Variants in PHF19 observed in about 807,000 individuals in gnomAD.
The protein encoded by PHF19 is polycomb like 3.
PHF19 carries 21 observed loss-of-function variants against 79.8 expected under a neutral mutation model. That is an observed-to-expected ratio of 0.26 (90% CI 0.19 to 0.38). PHF19 has a LOEUF of 0.38. Among genes scored for constraint, PHF19 ranks in the 10% least tolerant of loss-of-function variants. The probability of loss-of-function intolerance (pLI) is 1.00; values close to 1 mark genes in which losing one functional copy is unlikely to be tolerated. For missense variants in PHF19, 445 were observed against 744.2 expected (o/e 0.60, Z 4.68); for synonymous variants, 273 against 296.3 (o/e 0.92, Z 0.81).
rs1035098596 is a variant in PHF19 at position 120,891,522 on chromosome 9, C to T, written c.42+3266G>A. 4.1e-4 allele frequency among the ~76,000 whole-genome samples: 63 copies of T among 152,208 alleles called. No homozygotes were observed. The highest frequency in any genetic ancestry group is 1.8e-3 in the Admixed American group (27 of 15,284). Reference sequence around the variant, plus strand: ...GAAGAGTGTGGGTTGAAAAGCTCCCCGGGTGGTTCAAGGTGCAGCCCAGGT... The same window carrying T: ...GAAGAGTGTGGGTTGAAAAGCTCCCTGGGTGGTTCAAGGTGCAGCCCAGGT... On this transcript the variant is annotated intron_variant, in intron 1 of 14. Transcript: ENST00000616568. The surrounding 1 kb of genome is among the most constrained non-coding windows in gnomAD (Gnocchi z 4.3).
At chr9:120,858,372 C>T in intron 14 of PHF19, 86 bp from the exon 15 acceptor site, 1 of 1,031,744 alleles carries the variant, frequency 9.7e-7, no homozygotes, top group Non-Finnish European at 1.4e-6. Context: ...CCCCTCAGTA[C>T]CAGGAAAGTG....
intron 1 of PHF19, among the ~76,000 whole-genome samples, chr9:120,885,278 G>T (rs911479303): frequency 1.3e-5 from 2 of 152,116 alleles, no homozygotes; most frequent in Non-Finnish European, 2.9e-5. Flanking sequence ...TGGGGAAACG[G>T]ATATCTAGAA....
chr9:120,883,292 A>G (rs989660857), intron 1 of PHF19, among the ~76,000 whole-genome samples: 3 of 152,188 alleles, frequency 2.0e-5, no homozygotes, highest in Admixed American at 6.5e-5. Context: ...GGAACCAAGG[A>G]TCCCTTCCCT....
chr9:120,862,652 C>T lies in PHF19; in HGVS notation c.1066G>A (p.Gly356Arg). Residue 356 changes from glycine to arginine, a missense_variant, in exon 11 of 15, where the codon GGA becomes AGA. Gly to Arg is a moderately radical substitution (Grantham distance 125). This residue lies in a region of PHF19 where 83 missense variants were observed against 85.5 expected (regional missense o/e 0.97). Transcript: ENST00000373896. This position sits in a 1 kb window ranked among gnomAD's most constrained non-coding sequence, Gnocchi z 4.6. ...GCGCTGTTCTCATTTGGCAGCAGTC[C>T]TTTGTCAGGCAGCAGCTTCCCTGGC... ...NPPGKLLPDK[G>R]LLPNENSASS... is the part of the protein sequence containing the mutation. 1 of 1,614,202 alleles carries T rather than the reference C, an allele frequency of 6.2e-7. No homozygotes were observed. Among genetic ancestry groups the T allele is most frequent in the Non-Finnish European group, 8.5e-7 (1 of 1,180,020 alleles).
chr9:120,889,068 G>C (rs1288723221), intron 1 of PHF19, among the ~76,000 whole-genome samples: 2 of 152,134 alleles, frequency 1.3e-5, no homozygotes, highest in Non-Finnish European at 2.9e-5. Flanking sequence ...TTTTAAGGTG[G>C]GGGTGGATGC....
rs564542618 is a variant in PHF19, at chr9:120,866,313, G to A, written c.711-217C>T. ...GCCCTCAATCTCCTTCCCAAATCTTGCCCTGAAGCGTGGCTGAGTTCACAG... is the reference window on the plus strand; with the variant it reads ...GCCCTCAATCTCCTTCCCAAATCTTACCCTGAAGCGTGGCTGAGTTCACAG... On this transcript the variant is annotated intron_variant, in intron 7 of 14. Coordinates refer to ENST00000373896, the MANE Select transcript of PHF19 (RefSeq NM_015651.3). This position sits in a 1 kb window ranked among gnomAD's most constrained non-coding sequence, Gnocchi z 5.2. Among the ~76,000 whole-genome samples the A allele has an allele frequency of 1.3e-5, 2 of 151,990 alleles. No individual in the cohort carries two copies. Among genetic ancestry groups the A allele is most frequent in the East Asian group, 1.9e-4 (1 of 5,180 alleles).
intron 14 of PHF19, 124 bp downstream of exon 14, chr9:120,859,966 G>T: frequency 1.5e-6 from 1 of 655,454 alleles, no homozygotes; most frequent in Non-Finnish European, 2.8e-6. Context: ...CAGAAGGCCA[G>T]GTACTCCCCG....
At position 120,860,586 on chromosome 9, in the gene PHF19, G is replaced by C. The variant is rs535593038; in HGVS notation, c.1305-401C>G. On this transcript the variant is annotated intron_variant, in intron 13 of 14. Coordinates refer to ENST00000373896, the MANE Select transcript of PHF19 (RefSeq NM_015651.3). The surrounding 1 kb of genome is among the most constrained non-coding windows in gnomAD (Gnocchi z 4.1). ...CTGATAAGCAGGGTCTGGAGTTCAGGTCTGACTCTAAAGCCCTCCTCTGTG... is the reference window on the plus strand; with the variant it reads ...CTGATAAGCAGGGTCTGGAGTTCAGCTCTGACTCTAAAGCCCTCCTCTGTG... 1.4e-4 allele frequency: 33 copies of C among 240,554 alleles called. No individual in the cohort carries two copies. In the East Asian group the frequency reaches 2.5e-3, roughly 18 times the overall value. 14.9% of individuals were successfully genotyped at this position (240,554 alleles called of 1,614,324 possible).
At chr9:120,903,101 T>A in the PHF19 span, 1 of 152,206 alleles carries the variant, frequency 6.6e-6, no homozygotes, top group African/African-American at 2.4e-5. Flanking sequence ...CCTAGACCCA[T>A]CACTCGCTAG....
intron 14 of PHF19, among the ~76,000 whole-genome samples, chr9:120,858,816 C>T (rs2045425038): frequency 8.3e-6 from 1 of 120,326 alleles, no homozygotes; most frequent in Non-Finnish European, 1.8e-5. Context: ...AGACATCACA[C>T]ACACACACAC....
In PHF19 at chr9:120,862,568, C is replaced by G; in HGVS notation, c.1130+20G>C. The stretch of plus-strand genomic sequence containing the variant: ...CCGAGTTTGGCGGCAGCCCTGGCCC[C>G]TGGGTCCCCGAGCACTGACCCAGGC... On this transcript the variant is annotated intron_variant, in intron 11 of 14. Coordinates refer to ENST00000373896, the MANE Select transcript of PHF19 (RefSeq NM_015651.3). The surrounding 1 kb of genome is among the most constrained non-coding windows in gnomAD (Gnocchi z 4.6). 6.2e-7 allele frequency: 1 copy of G among 1,609,352 alleles called. No individual in the cohort carries two copies. The highest frequency in any genetic ancestry group is 8.5e-7 in the Non-Finnish European group (1 of 1,177,344).
At chr9:120,894,910 G>T, upstream of PHF19, 1 of 694,780 alleles carries the variant, frequency 1.4e-6, no homozygotes, top group Non-Finnish European at 2.0e-6. Flanking sequence ...AGGCGTCAGA[G>T]AGTCGACTCC....
Position 120,866,825 on chromosome 9 carries a change from C to T in PHF19, c.710+45G>A. 1 of 1,067,404 alleles carries T rather than the reference C, an allele frequency of 9.4e-7. No individual in the cohort carries two copies. The highest frequency in any genetic ancestry group is 2.4e-5 in the East Asian group (1 of 42,176). 66.1% of individuals were successfully genotyped at this position (1,067,404 alleles called of 1,614,324 possible). On this transcript the variant is annotated intron_variant, in intron 7 of 14. Coordinates refer to ENST00000373896, the MANE Select transcript of PHF19 (RefSeq NM_015651.3). This position sits in a 1 kb window ranked among gnomAD's most constrained non-coding sequence, Gnocchi z 5.2. ...GAGTTGTTGCTGCCATCCCTGCCCT[C>T]TCCCCACCACGCCCAAGGCCCACTT...
chr9:120,891,948 T>G lies in PHF19; in HGVS notation c.42+2840A>C, dbSNP rs1276304867. The stretch of plus-strand genomic sequence containing the variant: ...AACAGGCTGCAAACCCCTGACGCCT[T>G]GCAGAGCCAGGTAGGAAAGTTCAAA... On this transcript the variant is annotated intron_variant, in intron 1 of 14. Transcript: ENST00000616568. The surrounding 1 kb of genome is among the most constrained non-coding windows in gnomAD (Gnocchi z 4.3). 1.3e-5 allele frequency among the ~76,000 whole-genome samples: 2 copies of G among 152,116 alleles called. No individual in the cohort carries two copies. The highest frequency in any genetic ancestry group is 2.9e-5 in the Non-Finnish European group (2 of 68,024).
upstream of PHF19, among the ~76,000 whole-genome samples, chr9:120,881,642 C>A (rs2046187062): frequency 6.6e-6 from 1 of 152,094 alleles, no homozygotes; most frequent in Non-Finnish European, 1.5e-5. Context: ...GTGGGAGGGG[C>A]AGGAAGCTAT....
intron 14 of PHF19, among the ~76,000 whole-genome samples, chr9:120,858,875 GAC>G (rs939324636): frequency 2.0e-5 from 3 of 149,470 alleles, no homozygotes; most frequent in Non-Finnish European, 4.5e-5. Context: ...TAGAGAAATG[GAC>G]ACACAGACAC....
intron 10 of PHF19, among the ~76,000 whole-genome samples, chr9:120,863,218 TAGA>T (rs2045588389): frequency 6.7e-6 from 1 of 148,470 alleles, no homozygotes; most frequent in Admixed American, 6.6e-5. Flanking sequence ...GCCCTCCCAA[TAGA>T]GGACTGTCCA....
upstream of PHF19, among the ~76,000 whole-genome samples, chr9:120,877,726 A>AC (rs2046109674): frequency 6.6e-6 from 1 of 152,248 alleles, no homozygotes; most frequent in African/African-American, 2.4e-5. Context: ...GGCGTTCGGC[A>AC]CAGAGACACA....
Position 120,857,862 on chromosome 9 carries a change from C to G in PHF19, c.*82G>C. On this transcript the variant is annotated 3_prime_UTR_variant, in exon 15 of 15. Transcript: ENST00000373896. The stretch of plus-strand genomic sequence containing the variant: ...TCTGTCCTGCTTCCTTCTCCCACCC[C>G]AGCCTGGAGAAAGCTGGGGAGCCTA... 1 of 821,690 alleles carries G rather than the reference C, an allele frequency of 1.2e-6. No homozygotes were observed. Among genetic ancestry groups the G allele is most frequent in the Non-Finnish European group, 1.9e-6 (1 of 531,132 alleles). 50.9% of individuals were successfully genotyped at this position (821,690 alleles called of 1,614,324 possible). A position where few individuals can be genotyped will look rare whatever the true frequency, so the allele number is the denominator to read the frequency against.
Sources: gnomAD v4.1 joint callset for allele counts (sites outside exome capture counted in the v4.1 genomes callset) on GRCh38, gnomAD v4.1.1 for gene constraint, gnomAD v4.1.1 regional missense constraint, Gnocchi (gnomAD v3.1) non-coding constraint, MANE v1.5 for transcripts, NCBI Gene and HGNC (gene_info 2026-07-23, HGNC 2026-07-21) for gene names.